Variants in NUBP1 observed in about 807,000 individuals in gnomAD.
NUBP1 encodes the protein NUBP iron-sulfur cluster assembly factor 1, cytosolic.
Under a neutral mutation model 41.8 loss-of-function variants are expected in NUBP1, and 46 were observed. The observed-to-expected ratio is 1.10, with a 90% CI of 0.87 to 1.41. The LOEUF (loss-of-function observed/expected upper bound fraction) is 1.41, where lower values mean the gene tolerates loss of function less well. Ranked by LOEUF, NUBP1 falls within the 40% of genes most tolerant of loss-of-function variation. NUBP1 has a pLI of 0.00. For missense variants in NUBP1, 494 were observed against 414.0 expected (o/e 1.19, Z -1.68); for synonymous variants, 189 against 154.6 (o/e 1.22, Z -1.65).
rs1437877707 is a variant in NUBP1, at chr16:10,752,594, C to G, written c.259-16C>G. ...CATTCAGTTATATAACCGCTTTGGTCTCTTCTTGTCCCCAGATTGCTCTTC... is the reference window on the plus strand; with the variant it reads ...CATTCAGTTATATAACCGCTTTGGTGTCTTCTTGTCCCCAGATTGCTCTTC... On this transcript the variant is annotated splice_polypyrimidine_tract_variant and intron_variant, in intron 3 of 10. Transcript: ENST00000283027. 2 of 1,611,284 alleles carry G rather than the reference C, an allele frequency of 1.2e-6. No individual in the cohort carries two copies. Among genetic ancestry groups the G allele is most frequent in the African/African-American group, 2.7e-5 (2 of 74,808 alleles).
Position 10,769,239 on chromosome 16 carries a change from A to G in NUBP1, c.*134A>G. The G allele has an allele frequency of 1.5e-6, 1 of 679,924 alleles. No homozygotes were observed. Among genetic ancestry groups the G allele is most frequent in the African/African-American group, 1.8e-5 (1 of 55,080 alleles). The allele number at this position is 679,924 out of a possible 1,614,324, so 42.1% of individuals were successfully genotyped here. A position where few individuals can be genotyped will look rare whatever the true frequency, so the allele number is the denominator to read the frequency against. On this transcript the variant is annotated 3_prime_UTR_variant, in exon 11 of 11. Transcript: ENST00000283027. ...CCAGATGCTGGTGTGGTCCGAAGCCACTTTCTCAGAGACACTTTAATCATT... is the reference window on the plus strand; with the variant it reads ...CCAGATGCTGGTGTGGTCCGAAGCCGCTTTCTCAGAGACACTTTAATCATT...
chr16:10,759,868 G>A lies in NUBP1; in HGVS notation c.607-1496G>A, dbSNP rs1209352595. ...CTCCGCATCCCAGCCTCAGTGTCAA[G>A]AGCCAAACAGGCATCTCAGGAAAAG... On this transcript the variant is annotated intron_variant, in intron 7 of 10. Coordinates refer to ENST00000283027, the MANE Select transcript of NUBP1 (RefSeq NM_002484.4). This position sits in a 1 kb window ranked among gnomAD's most constrained non-coding sequence, Gnocchi z 4.7. Among the ~76,000 whole-genome samples, 3 of 152,338 alleles carry A rather than the reference G, an allele frequency of 2.0e-5. No homozygotes were observed. Among genetic ancestry groups the A allele is most frequent in the East Asian group, 3.9e-4 (2 of 5,182 alleles).
In NUBP1 at chr16:10,767,846, C is replaced by T; in HGVS notation, c.821-103C>T. 3.7e-6 allele frequency: 4 copies of T among 1,083,716 alleles called. No individual in the cohort carries two copies. Among genetic ancestry groups the T allele is most frequent in the Non-Finnish European group, 5.6e-6 (4 of 708,350 alleles). The allele number at this position is 1,083,716 out of a possible 1,614,324, so 67.1% of individuals were successfully genotyped here. On this transcript the variant is annotated intron_variant, in intron 9 of 10. Transcript: ENST00000283027. This position sits in a 1 kb window ranked among gnomAD's most constrained non-coding sequence, Gnocchi z 4.6. ...TTCTTCATTACGAGTGAAGCGGGCT[C>T]AAGATCTTCCCATTGTCACCAGCAC...
Position 10,759,487 on chromosome 16 carries a change from G to C in NUBP1, c.606+1460G>C, listed in dbSNP as rs898428830. On this transcript the variant is annotated intron_variant, in intron 7 of 10. Transcript: ENST00000283027. This position sits in a 1 kb window ranked among gnomAD's most constrained non-coding sequence, Gnocchi z 4.7. ...TTTTCTGTCCCATTTTTAAAAAGTG[G>C]TTGGTGCTGGGCACACTGGCTCATG... is the stretch of plus-strand genomic sequence containing the variant. Among the ~76,000 whole-genome samples the C allele has an allele frequency of 6.6e-6, 1 of 152,268 alleles. No homozygotes were observed. The highest frequency in any genetic ancestry group is 2.1e-4 in the South Asian group (1 of 4,830).
intron 3 of NUBP1, 93 bp downstream of exon 3, chr16:10,747,369 C>G: frequency 6.6e-7 from 1 of 1,523,722 alleles, no homozygotes; most frequent in African/African-American, 1.4e-5. Flanking sequence ...CGCAGTGGTT[C>G]ATGCCTGTAA....
chr16:10,761,966 G>T, intron 9 of NUBP1, 107 bp downstream of exon 9: 1 of 835,478 alleles, frequency 1.2e-6, no homozygotes, highest in Non-Finnish European at 1.9e-6. Context: ...GAAGGAGGAG[G>T]GTCAATGGGG....
intron 3 of NUBP1, among the ~76,000 whole-genome samples, chr16:10,752,314 G>A (rs911922503): frequency 1.3e-5 from 2 of 152,098 alleles, no homozygotes; most frequent in African/African-American, 4.8e-5. Flanking sequence ...CTCCAACCAG[G>A]GCTCAGTAAA....
chr16:10,765,615 G>A lies in NUBP1; in HGVS notation c.821-2334G>A, dbSNP rs2030764059. ...TCTGACAGATCAGGAAGTGACCTTGGGGCTATTAGATCCTGATACGGCTTT... is the reference window on the plus strand; with the variant it reads ...TCTGACAGATCAGGAAGTGACCTTGAGGCTATTAGATCCTGATACGGCTTT... On this transcript the variant is annotated intron_variant, in intron 9 of 10. Coordinates refer to ENST00000283027, the MANE Select transcript of NUBP1 (RefSeq NM_002484.4). This position sits in a 1 kb window ranked among gnomAD's most constrained non-coding sequence, Gnocchi z 4.0. Among the ~76,000 whole-genome samples the A allele has an allele frequency of 6.6e-6, 1 of 152,196 alleles. No homozygotes were observed. Among genetic ancestry groups the A allele is most frequent in the African/African-American group, 2.4e-5 (1 of 41,442 alleles).
chr16:10,748,297 C>T (rs926548006), intron 3 of NUBP1, among the ~76,000 whole-genome samples: 3 of 152,126 alleles, frequency 2.0e-5, no homozygotes, highest in African/African-American at 7.2e-5. Context: ...ACATATGATC[C>T]TTGATTTTGC....
rs2031280193 is a variant in NUBP1 at position 10,768,819 on chromosome 16, T to C, written c.905-228T>C. 2.3e-5 allele frequency: 11 copies of C among 473,584 alleles called. No homozygotes were observed. In the South Asian group the frequency reaches 4.1e-4, roughly 18 times the overall value. The allele number at this position is 473,584 out of a possible 1,614,324, so 29.3% of individuals were successfully genotyped here. On this transcript the variant is annotated intron_variant, in intron 10 of 10. Transcript: ENST00000283027. The surrounding 1 kb of genome is among the most constrained non-coding windows in gnomAD (Gnocchi z 4.3). ...GAAACAGCATTCCCAGAATCCTCCA[T>C]CTATAGATGGTCCGAGGAAGGCCGC...
At chr16:10,755,784 C>G in intron 5 of NUBP1, 31 bp downstream of exon 5, 2 of 1,609,738 alleles carry the variant, frequency 1.2e-6, no homozygotes, top group Non-Finnish European at 1.7e-6. Flanking sequence ...CCTATTTTCA[C>G]AGTAGTGTGT....
rs148524967 is a variant in NUBP1, at chr16:10,756,053, C to T, written c.360+300C>T. On this transcript the variant is annotated intron_variant, in intron 5 of 10. Coordinates refer to ENST00000283027, the MANE Select transcript of NUBP1 (RefSeq NM_002484.4). ...CACAGATGGTGGGCCAGATTTGGCC[C>T]TGAAGTCCATAGTTTGTAAATCTCT... Among the ~76,000 whole-genome samples, 302 of 152,302 alleles carry T rather than the reference C, an allele frequency of 2.0e-3. 1 individual carries two copies. Among genetic ancestry groups the T allele is most frequent in the African/African-American group, 6.1e-3 (254 of 41,574 alleles).
Position 10,756,779 on chromosome 16 carries a change from C to A in NUBP1, c.450C>A (p.Asn150Lys). The change falls in exon 6 of 11, where the codon AAC becomes AAA. Residue 150 changes from asparagine (N) to lysine (K), a missense_variant and splice_region_variant. Asn to Lys is a moderately conservative substitution (Grantham distance 94). Coordinates refer to ENST00000283027, the MANE Select transcript of NUBP1 (RefSeq NM_002484.4). ...TTATCTGGAGGGGACCCAAGAAAAACGGTTTGCCACTCTGCCTTTTTTTGT... is the reference window on the plus strand; with the variant it reads ...TTATCTGGAGGGGACCCAAGAAAAAAGGTTTGCCACTCTGCCTTTTTTTGT... ...DAVIWRGPKKNGMIKQFLRDV... is the reference protein window; with the variant it reads ...DAVIWRGPKKKGMIKQFLRDV... The A allele has an allele frequency of 6.3e-7, 1 of 1,590,350 alleles. No homozygotes were observed. Among genetic ancestry groups the A allele is most frequent in the Non-Finnish European group, 8.5e-7 (1 of 1,171,174 alleles).
chr16:10,761,121 C>A (rs1378716842), intron 7 of NUBP1: 4 of 390,626 alleles, frequency 1.0e-5, no homozygotes, highest in African/African-American at 2.1e-5. Flanking sequence ...ATGGGGGAAA[C>A]TGCCCCCATG....
intron 3 of NUBP1, among the ~76,000 whole-genome samples, chr16:10,751,228 A>T (rs1463487825): frequency 2.0e-5 from 3 of 152,228 alleles, no homozygotes; most frequent in Non-Finnish European, 4.4e-5. Context: ...AAGGAAGGGC[A>T]TGGAGACAGA....
chr16:10,753,057 G>T (rs1036871891), intron 4 of NUBP1, among the ~76,000 whole-genome samples: 1 of 152,308 alleles, frequency 6.6e-6, no homozygotes, highest in South Asian at 2.1e-4. Context: ...GCCTCCCAAA[G>T]TGCTAGGATT....
Position 10,744,049 on chromosome 16 carries a change from G to A in NUBP1, c.108G>A (p.Gly36=), listed in dbSNP as rs768847415. The part of the protein sequence containing the change: ...PNQRLCASGA[G]ATPDTAIEEI... Reference sequence around the variant, plus strand: ...AGCGGCTGTGCGCTTCTGGAGCGGGGGCCACTCCGGACACGGGTGAGAAAA... The same window carrying A: ...AGCGGCTGTGCGCTTCTGGAGCGGGAGCCACTCCGGACACGGGTGAGAAAA... Residue 36 remains glycine (G), a synonymous_variant, in exon 2 of 11, where the codon GGG becomes GGA. Transcript: ENST00000283027. 1.0e-5 allele frequency: 16 copies of A among 1,582,524 alleles called. No homozygotes were observed. The highest frequency in any genetic ancestry group is 1.3e-5 in the Non-Finnish European group (15 of 1,169,594).
At chr16:10,744,091 G>A (rs773786598) in intron 2 of NUBP1, 26 bp downstream of exon 2, 2 of 1,527,254 alleles carry the variant, frequency 1.3e-6, no homozygotes, top group Non-Finnish European at 1.8e-6. Context: ...GGCCTCAACA[G>A]GAACTTAGAG....
intron 6 of NUBP1, 32 bp downstream of exon 6, chr16:10,756,812 A>G (rs752585893): frequency 1.3e-6 from 2 of 1,564,308 alleles, no homozygotes; most frequent in South Asian, 2.3e-5. Context: ...TGTCTCTCAC[A>G]TTCTTCCACG....
Sources: gnomAD v4.1 joint callset for allele counts (sites outside exome capture counted in the v4.1 genomes callset) on GRCh38, gnomAD v4.1.1 for gene constraint, Gnocchi (gnomAD v3.1) non-coding constraint, MANE v1.5 for transcripts, NCBI Gene and HGNC (gene_info 2026-07-23, HGNC 2026-07-21) for gene names.